Variants in MBD5 observed in about 807,000 individuals in gnomAD.
MBD5 encodes the protein methyl-CpG binding domain protein 5.
MBD5 carries 13 observed loss-of-function variants against 117.3 expected under a neutral mutation model. The ratio of observed to expected loss-of-function variants is 0.11; its 90% confidence interval spans 0.07 to 0.18. MBD5 has a LOEUF of 0.18. MBD5 is among the 10% of genes least tolerant of loss of function. The pLI, the probability that MBD5 is intolerant of heterozygous loss-of-function variation, is 1.00. For synonymous variants in MBD5, 727 were observed against 766.4 expected, an observed-to-expected ratio of 0.95 and a Z score of 0.85; for missense variants, 1,879 against 2,093.8, an observed-to-expected ratio of 0.90 and a Z score of 2.00.
intron 1 of MBD5, among the ~76,000 whole-genome samples, chr2:148,115,622 A>C (rs1002530513): frequency 3.9e-5 from 6 of 151,936 alleles, no homozygotes; most frequent in African/African-American, 1.5e-4. Context: ...TTATAGGAGA[A>C]TTTTGCATAC....
chr2:148,198,463 G>A (rs1353608385), intron 2 of MBD5, among the ~76,000 whole-genome samples: 1 of 151,906 alleles, frequency 6.6e-6, no homozygotes, highest in Non-Finnish European at 1.5e-5. Context: ...ATTTGGTGAG[G>A]TTTTATATAT....
intron 3 of MBD5, among the ~76,000 whole-genome samples, chr2:148,239,015 TA>T (rs1415538794): frequency 4.8e-5 from 5 of 103,728 alleles, no homozygotes; most frequent in African/African-American, 1.8e-4. Flanking sequence ...ATATATATAT[TA>T]TATACACACA....
chr2:148,421,479 C>G (rs1399214697), intron 4 of MBD5, among the ~76,000 whole-genome samples: 1 of 152,066 alleles, frequency 6.6e-6, no homozygotes, highest in Non-Finnish European at 1.5e-5. Context: ...TTCTGGGTTT[C>G]AAGCACAAAA....
chr2:148,219,330 T>C (rs1287522554), intron 2 of MBD5, among the ~76,000 whole-genome samples: 1 of 152,158 alleles, frequency 6.6e-6, no homozygotes, highest in Non-Finnish European at 1.5e-5. Context: ...CAGTGCTTTC[T>C]TCTGGAGTAC....
At chr2:148,140,859 G>T (rs895524542) in intron 1 of MBD5, among the ~76,000 whole-genome samples, 1 of 151,748 alleles carries the variant, frequency 6.6e-6, no homozygotes, top group Non-Finnish European at 1.5e-5. Flanking sequence ...TCTGCCTCCT[G>T]GGCTCAAGCA....
At chr2:148,359,107 C>CA (rs1484273745) in intron 4 of MBD5, among the ~76,000 whole-genome samples, 1 of 151,866 alleles carries the variant, frequency 6.6e-6, no homozygotes, top group Admixed American at 6.6e-5. Flanking sequence ...ACTAAAAATA[C>CA]AAAAATTAGC....
intron 3 of MBD5, among the ~76,000 whole-genome samples, chr2:148,266,249 C>T (rs149373211): frequency 6.6e-6 from 1 of 151,952 alleles, no homozygotes; most frequent in Non-Finnish European, 1.5e-5. Context: ...TTTTAAAAAT[C>T]TATCAGTGTA....
intron 3 of MBD5, among the ~76,000 whole-genome samples, chr2:148,257,942 T>G (rs1238913638): frequency 6.6e-6 from 1 of 152,184 alleles, no homozygotes; most frequent in Non-Finnish European, 1.5e-5. Flanking sequence ...GTTACTTTTT[T>G]CAGTTCCCAA....
At chr2:148,312,132 G>T (rs1056687938) in intron 3 of MBD5, among the ~76,000 whole-genome samples, 2 of 152,048 alleles carry the variant, frequency 1.3e-5, no homozygotes, top group Admixed American at 1.3e-4. Flanking sequence ...GTGTCTTGTG[G>T]TTGCTCTTCT....
intron 1 of MBD5, among the ~76,000 whole-genome samples, chr2:148,101,727 G>A (rs1227484): frequency 6.6e-6 from 1 of 151,994 alleles, no homozygotes; most frequent in Non-Finnish European, 1.5e-5. Flanking sequence ...GCTTCAGCTG[G>A]TAATATAAGC....
In MBD5 at chr2:148,189,351, T is replaced by C. The variant is rs1211766975; in HGVS notation, c.-831+10558T>C. Among the ~76,000 whole-genome samples, 5 of 151,410 alleles carry C rather than the reference T, an allele frequency of 3.3e-5. No homozygotes were observed. The East Asian group carries it at 7.8e-4, about 24-fold the overall frequency. On this transcript the variant is annotated intron_variant, in intron 2 of 13. Coordinates refer to ENST00000642680, the MANE Select transcript of MBD5 (RefSeq NM_001378120.1). Reference sequence around the variant, plus strand: ...AGCAGTAACCTCTGAGACTTAAGTGTCCCTGTCTGACAGCTTTGAAGAGAG... The same window carrying C: ...AGCAGTAACCTCTGAGACTTAAGTGCCCCTGTCTGACAGCTTTGAAGAGAG...
At chr2:148,124,225 A>C (rs1696834929) in intron 1 of MBD5, among the ~76,000 whole-genome samples, 1 of 152,184 alleles carries the variant, frequency 6.6e-6, no homozygotes, top group Non-Finnish European at 1.5e-5. Context: ...GGTTGCAGTG[A>C]GCCAAGATCG....
In MBD5 at chr2:148,483,804, G is replaced by T; in HGVS notation, c.3213G>T (p.Leu1071=). ...FAGSDTTFNP[L]FLPAVNGASG... The stretch of plus-strand genomic sequence containing the variant: ...GCAGTGACACTACTTTTAACCCCCT[G>T]TTCCTCCCAGCTGTCAATGGGGCCT... Residue 1071 remains leucine, a synonymous_variant, in exon 9 of 14, where the codon CTG becomes CTT. Coordinates refer to ENST00000642680, the MANE Select transcript of MBD5 (RefSeq NM_001378120.1). 1 of 1,550,516 alleles carries T rather than the reference G, an allele frequency of 6.4e-7. No individual in the cohort carries two copies. The highest frequency in any genetic ancestry group is 2.4e-5 in the East Asian group (1 of 40,922).
chr2:148,435,370 G>C (rs1176253923), intron 4 of MBD5, among the ~76,000 whole-genome samples: 7 of 152,094 alleles, frequency 4.6e-5, no homozygotes. Flanking sequence ...TCTGTGTACT[G>C]TTTTTGGAAT....
At chr2:148,080,279 C>T (rs1279607352) in intron 1 of MBD5, among the ~76,000 whole-genome samples, 1 of 152,072 alleles carries the variant, frequency 6.6e-6, no homozygotes, top group Non-Finnish European at 1.5e-5. Flanking sequence ...CATAATCCTT[C>T]AATAAAATTA....
intron 1 of MBD5, among the ~76,000 whole-genome samples, chr2:148,022,782 T>C (rs1693796182): frequency 6.6e-6 from 1 of 152,196 alleles, no homozygotes; most frequent in Admixed American, 6.5e-5. Context: ...TTATAGTTAG[T>C]ATATTAATTT....
At chr2:148,050,443 A>T (rs925101462) in intron 1 of MBD5, among the ~76,000 whole-genome samples, 2 of 151,902 alleles carry the variant, frequency 1.3e-5, no homozygotes, top group African/African-American at 4.8e-5. Context: ...GAATTGTAAG[A>T]GTTCTTTATA....
At chr2:148,508,769 C>T (rs1042352882) in intron 12 of MBD5, among the ~76,000 whole-genome samples, 1 of 152,104 alleles carries the variant, frequency 6.6e-6, no homozygotes, top group Non-Finnish European at 1.5e-5. Context: ...GACCTAAGTA[C>T]GTATATATTT....
chr2:148,510,786 T>C (rs1447081747), intron 13 of MBD5, among the ~76,000 whole-genome samples: 1 of 152,230 alleles, frequency 6.6e-6, no homozygotes, highest in Non-Finnish European at 1.5e-5. Context: ...GGGATTAGTA[T>C]AGGTTTTAGA....
Sources: gnomAD v4.1 joint callset for allele counts (sites outside exome capture counted in the v4.1 genomes callset) on GRCh38, gnomAD v4.1.1 for gene constraint, MANE v1.5 for transcripts, NCBI Gene and HGNC (gene_info 2026-07-23, HGNC 2026-07-21) for gene names.